Variants in AFDN observed in about 807,000 individuals in gnomAD.
AFDN encodes the protein afadin, adherens junction formation factor.
In AFDN, 68 loss-of-function variants were observed where a neutral mutation model predicts 216.6. That is an observed-to-expected ratio of 0.31 (90% CI 0.26 to 0.38). The LOEUF (loss-of-function observed/expected upper bound fraction) is 0.38. AFDN is among the 10% of genes least tolerant of loss of function. The probability of loss-of-function intolerance (pLI) is 1.00; values close to 1 mark genes in which losing one functional copy is unlikely to be tolerated. For missense variants in AFDN, 2,136 were observed against 2,342.0 expected (o/e 0.91, Z 1.82); for synonymous variants, 868 against 853.7 (o/e 1.02, Z -0.29).
Position 167,936,018 on chromosome 6 carries a change from A to G in AFDN, c.3100-7111A>G, listed in dbSNP as rs59874466. 7.0e-3 allele frequency among the ~76,000 whole-genome samples: 1,068 copies of G among 152,314 alleles called. 16 individuals are homozygous for G. The highest frequency in any genetic ancestry group is 0.024 in the African/African-American group (1,016 of 41,570). On this transcript the variant is annotated intron_variant, in intron 23 of 33. Transcript: ENST00000683244. The stretch of plus-strand genomic sequence containing the variant: ...TTTTCTGCTAGCTGTGTTTTTTTAA[A>G]AAGTGAAGTTAATTTTAATACCATA...
chr6:167,945,140 G>A (rs1222627394), intron 26 of AFDN, among the ~76,000 whole-genome samples: 2 of 151,334 alleles, frequency 1.3e-5, no homozygotes, highest in East Asian at 2.0e-4. Context: ...TTCTTTCTAT[G>A]CTTATTCCAT....
intron 1 of AFDN, among the ~76,000 whole-genome samples, chr6:167,832,392 C>T (rs148866342): frequency 0.01 from 1,547 of 152,206 alleles, 29 homozygotes; most frequent in African/African-American, 0.036. Flanking sequence ...GAACATTTCT[C>T]GTTGTGTGTA....
chr6:167,895,677 T>A (rs1048294877), intron 9 of AFDN, among the ~76,000 whole-genome samples: 1 of 152,200 alleles, frequency 6.6e-6, no homozygotes, highest in Non-Finnish European at 1.5e-5. Flanking sequence ...TGTGAGAGTT[T>A]AGCGGTACCA....
At chr6:167,836,073 A>C (rs1452629704) in intron 1 of AFDN, among the ~76,000 whole-genome samples, 3 of 152,232 alleles carry the variant, frequency 2.0e-5, no homozygotes, top group Admixed American at 2.0e-4. Flanking sequence ...TTTAGTTATC[A>C]GTGCTAAGAT....
chr6:167,889,333 A>G lies in AFDN; in HGVS notation c.1009+7A>G, dbSNP rs764912045. 6.3e-7 allele frequency: 1 copy of G among 1,582,380 alleles called. No individual in the cohort carries two copies. Among genetic ancestry groups the G allele is most frequent in the African/African-American group, 1.3e-5 (1 of 74,340 alleles). ...GAATGGCCAAGTGACAAAGGTAGTA[A>G]CCTTATTAAAGGATTACTTACACCA... On this transcript the variant is annotated splice_region_variant and intron_variant, in intron 7 of 33. Coordinates refer to ENST00000683244, the MANE Select transcript of AFDN (RefSeq NM_001386888.1).
chr6:167,952,336 G>T, intron 30 of AFDN, 149 bp downstream of exon 30: 1 of 1,511,694 alleles, frequency 6.6e-7, no homozygotes, highest in Non-Finnish European at 8.8e-7. Flanking sequence ...GTTACTCTTG[G>T]CTGATGTCGT....
Position 167,950,028 on chromosome 6 carries a change from A to C in AFDN, c.3832-1158A>C, listed in dbSNP as rs77725634. ...AGTGACTCAGGTCAGCCCTTCCGGC[A>C]GCAGGGAGCGGCGGTAGGCACAGTC... On this transcript the variant is annotated intron_variant, in intron 29 of 33. Coordinates refer to ENST00000683244, the MANE Select transcript of AFDN (RefSeq NM_001386888.1). Among the ~76,000 whole-genome samples, 294 of 152,332 alleles carry C rather than the reference A, an allele frequency of 1.9e-3. 3 individuals are homozygous for C. The highest frequency in any genetic ancestry group is 6.8e-3 in the African/African-American group (281 of 41,580).
intron 20 of AFDN, among the ~76,000 whole-genome samples, chr6:167,917,522 C>A (rs1366126455): frequency 6.6e-6 from 1 of 152,180 alleles, no homozygotes; most frequent in African/African-American, 2.4e-5. Flanking sequence ...TACGTAGCCA[C>A]AACTGAGTGT....
chr6:167,880,533 A>G lies in AFDN; in HGVS notation c.897+16A>G. ...CATCGCCCGGGTAAGGAACTTTATC[A>G]AATCAGTAGTTCTTTCTACTTCACA... On this transcript the variant is annotated intron_variant, in intron 6 of 33. Transcript: ENST00000683244. 1 of 1,610,866 alleles carries G rather than the reference A, an allele frequency of 6.2e-7. No homozygotes were observed. The highest frequency in any genetic ancestry group is 1.1e-5 in the South Asian group (1 of 90,292).
chr6:167,951,875 C>A lies in AFDN; in HGVS notation c.4521C>A (p.Val1507=). Residue 1507 remains valine (V), a synonymous_variant, in exon 30 of 34, where the codon GTC becomes GTA. Transcript: ENST00000683244. This position sits in a 1 kb window ranked among gnomAD's most constrained non-coding sequence, Gnocchi z 7.1. ...GCAGAGACTTGCAGTACATTACAGT[C>A]AGCAAAGAGGAGCTTTCCTCGGGGG... ...IERRDLQYIT[V]SKEELSSGDS... 14 of 1,614,018 alleles carry A rather than the reference C, an allele frequency of 8.7e-6. No homozygotes were observed. The highest frequency in any genetic ancestry group is 1.2e-5 in the Non-Finnish European group (14 of 1,180,006).
intron 6 of AFDN, among the ~76,000 whole-genome samples, chr6:167,885,186 TC>T (rs774062929): frequency 1.8e-4 from 27 of 152,192 alleles, no homozygotes; most frequent in Non-Finnish European, 3.5e-4. Context: ...TGGTCATCTA[TC>T]CAGACCATTC....
intron 1 of AFDN, among the ~76,000 whole-genome samples, chr6:167,840,601 GT>G (rs1780955840): frequency 6.6e-6 from 1 of 152,200 alleles, no homozygotes; most frequent in Non-Finnish European, 1.5e-5. Context: ...ATACAGCTTT[GT>G]TGTTGTAAGC....
At chr6:167,922,367 A>T (rs1354085784) in intron 21 of AFDN, among the ~76,000 whole-genome samples, 1 of 151,992 alleles carries the variant, frequency 6.6e-6, no homozygotes, top group Non-Finnish European at 1.5e-5. Context: ...AATGAGGAGG[A>T]CTCCTAGAAT....
intron 21 of AFDN, among the ~76,000 whole-genome samples, chr6:167,920,771 C>T (rs1187491474): frequency 6.6e-6 from 1 of 152,136 alleles, no homozygotes; most frequent in Non-Finnish European, 1.5e-5. Context: ...GTGCTGTTAC[C>T]GTTGTCGGTA....
At chr6:167,840,810 G>C (rs967756300) in intron 1 of AFDN, among the ~76,000 whole-genome samples, 4 of 152,220 alleles carry the variant, frequency 2.6e-5, no homozygotes, top group African/African-American at 2.4e-5. Flanking sequence ...GAACATTCAA[G>C]ATGAAAGAAC....
chr6:167,875,564 G>A (rs1249245610), intron 5 of AFDN, 69 bp downstream of exon 5: 11 of 1,508,158 alleles, frequency 7.3e-6, no homozygotes, highest in Non-Finnish European at 9.0e-6. Flanking sequence ...CTGTACGTGC[G>A]TGAGACTTGC....
rs1790918922 is a variant in AFDN, at chr6:167,915,365, A to G, written c.2497A>G (p.Ile833Val). 2 of 1,614,098 alleles carry G rather than the reference A, an allele frequency of 1.2e-6. No individual in the cohort carries two copies. Among genetic ancestry groups the G allele is most frequent in the African/African-American group, 2.7e-5 (2 of 74,928 alleles). Residue 833 changes from isoleucine (I) to valine (V), a missense_variant, in exon 19 of 34, where the codon ATT becomes GTT. Coordinates refer to ENST00000683244, the MANE Select transcript of AFDN (RefSeq NM_001386888.1). ...GATTATCCGTCAGCAGTTGGGCCAT[A>G]TTGAAGCCTGGGCTGAGAAGCAGGG... ...GAIIRQQLGH[I>V]EAWAEKQGLE...
intron 25 of AFDN, 109 bp from the exon 26 acceptor site, chr6:167,943,832 A>G (rs895300635): frequency 2.1e-6 from 2 of 938,552 alleles, no homozygotes; most frequent in East Asian, 4.8e-5. Context: ...ACTCAAAATA[A>G]TAGATGAAGC....
At chr6:167,863,312 G>T (rs1009308913) in intron 1 of AFDN, among the ~76,000 whole-genome samples, 4 of 152,272 alleles carry the variant, frequency 2.6e-5, no homozygotes, top group Admixed American at 2.0e-4. Context: ...TTCTCAACCT[G>T]TATCCCATTT....
Sources: gnomAD v4.1 joint callset for allele counts (sites outside exome capture counted in the v4.1 genomes callset) on GRCh38, gnomAD v4.1.1 for gene constraint, Gnocchi (gnomAD v3.1) non-coding constraint, MANE v1.5 for transcripts, NCBI Gene and HGNC (gene_info 2026-07-23, HGNC 2026-07-21) for gene names.